Variants in NFATC1 observed in about 807,000 individuals in gnomAD.
NFATC1 encodes the protein nuclear factor of activated T-cells, cytoplasmic 1.
Under a neutral mutation model 76.0 loss-of-function variants are expected in NFATC1, and 22 were observed. The ratio of observed to expected loss-of-function variants is 0.29; its 90% CI spans 0.21 to 0.41. NFATC1 has a LOEUF of 0.41. Ranked by LOEUF, NFATC1 falls within the 10% of genes least tolerant of loss-of-function variation. The pLI is 1.00. For missense variants in NFATC1, 1,357 were observed against 1,337.7 expected (o/e 1.01, Z -0.23); for synonymous variants, 704 against 613.1 (o/e 1.15, Z -2.19).
At chr18:79,458,333 G>C (rs1054190833) in intron 6 of NFATC1, among the ~76,000 whole-genome samples, 1 of 152,172 alleles carries the variant, frequency 6.6e-6, no homozygotes, top group Non-Finnish European at 1.5e-5. Context: ...GGATGCTTTG[G>C]GGAGCAGGGC....
At position 79,410,385 on chromosome 18, in the gene NFATC1, G is replaced by A. The variant is rs2085623457; in HGVS notation, c.128-18G>A. On this transcript the variant is annotated intron_variant, in intron 1 of 9. Coordinates refer to ENST00000427363, the MANE Select transcript of NFATC1 (RefSeq NM_001278669.2). The surrounding 1 kb of genome is among the most constrained non-coding windows in gnomAD (Gnocchi z 6.7). ...TGCCCAGCCCCTCATGCTCCCATCTGCTTCTTTTTCTCTCTAGAACACTAT... is the reference window on the plus strand; with the variant it reads ...TGCCCAGCCCCTCATGCTCCCATCTACTTCTTTTTCTCTCTAGAACACTAT... 2 of 1,587,268 alleles carry A rather than the reference G, an allele frequency of 1.3e-6. No individual in the cohort carries two copies. Among genetic ancestry groups the A allele is most frequent in the East Asian group, 2.2e-5 (1 of 44,610 alleles).
At chr18:79,400,469 G>T in intron 1 of NFATC1, 1 of 1,485,944 alleles carries the variant, frequency 6.7e-7, no homozygotes, top group Non-Finnish European at 8.9e-7. Flanking sequence ...GCGCCGCCGC[G>T]GCCGCCCCAG....
At chr18:79,527,466 G>A in intron 9 of NFATC1, 62 bp from the exon 10 acceptor site, 1 of 1,359,992 alleles carries the variant, frequency 7.4e-7, no homozygotes, top group Non-Finnish European at 1.0e-6. Context: ...GCAGGGCTGG[G>A]GGCGTTGCTT....
intron 8 of NFATC1, among the ~76,000 whole-genome samples, chr18:79,483,426 G>GGCATGACCTGGTCCTGAGGTGTCACTCCA (rs2089377873): frequency 1.1e-4 from 13 of 117,368 alleles, no homozygotes; most frequent in Non-Finnish European, 2.0e-4. Context: ...GTGTCATTCC[G>GGCATGACCTGGTCCTGAGGTGTCACTCCA]GCGTGACCTG....
In NFATC1 at chr18:79,447,545, C is replaced by T. The variant is rs114615991; in HGVS notation, c.1387-1237C>T. Among the ~76,000 whole-genome samples, 581 of 152,322 alleles carry T rather than the reference C, an allele frequency of 3.8e-3. 1 individual carries two copies. Among genetic ancestry groups the T allele is most frequent in the African/African-American group, 0.013 (547 of 41,578 alleles). Reference sequence around the variant, plus strand: ...TGGTTCCCGGGGCTGGGCGTTGCCACGGGCCTTGCATGGATTTTGCTGATG... The same window carrying T: ...TGGTTCCCGGGGCTGGGCGTTGCCATGGGCCTTGCATGGATTTTGCTGATG... On this transcript the variant is annotated intron_variant, in intron 3 of 9. Transcript: ENST00000427363.
In NFATC1 at chr18:79,473,502, C is replaced by T. The variant is rs145462370; in HGVS notation, c.2092+5920C>T. The stretch of plus-strand genomic sequence containing the variant: ...GGAAGCGTGTTCTCACGCTCACTAT[C>T]GACGTAAACCTGAGGGAAGCGTGTT... On this transcript the variant is annotated intron_variant, in intron 8 of 9. Coordinates refer to ENST00000427363, the MANE Select transcript of NFATC1 (RefSeq NM_001278669.2). 6.6e-3 allele frequency among the ~76,000 whole-genome samples: 996 copies of T among 150,324 alleles called. 14 individuals carry two copies. The highest frequency in any genetic ancestry group is 0.023 in the African/African-American group (937 of 40,702).
chr18:79,475,375 C>A (rs1600855578), intron 8 of NFATC1, among the ~76,000 whole-genome samples: 1 of 135,780 alleles, frequency 7.4e-6, no homozygotes, highest in Non-Finnish European at 1.5e-5. Context: ...CGCTCACTGT[C>A]GACGTTGCGA....
intron 6 of NFATC1, among the ~76,000 whole-genome samples, chr18:79,460,130 T>TA (rs2087985134): frequency 6.6e-6 from 1 of 152,170 alleles, no homozygotes; most frequent in South Asian, 2.1e-4. Flanking sequence ...GGCCAGGGCT[T>TA]GGCTGGGCGG....
chr18:79,488,528 T>C (rs1486490006), intron 9 of NFATC1, among the ~76,000 whole-genome samples: 1 of 152,086 alleles, frequency 6.6e-6, no homozygotes, highest in Non-Finnish European at 1.5e-5. Flanking sequence ...AGGACAGTGT[T>C]CCGTGTCCTG....
At chr18:79,509,462 G>A (rs867601830) in intron 9 of NFATC1, among the ~76,000 whole-genome samples, 7 of 152,348 alleles carry the variant, frequency 4.6e-5, no homozygotes, top group African/African-American at 1.7e-4. Flanking sequence ...GGGCGTGGGA[G>A]GAGAGGAGAG....
chr18:79,492,387 A>G (rs1246733624), intron 9 of NFATC1, among the ~76,000 whole-genome samples: 1 of 152,014 alleles, frequency 6.6e-6, no homozygotes, highest in East Asian at 1.9e-4. Context: ...ACATGGTAGA[A>G]CCCCATCTCT....
intron 8 of NFATC1, chr18:79,470,460 A>T (rs945322371): frequency 6.6e-6 from 1 of 151,716 alleles, no homozygotes; most frequent in African/African-American, 2.4e-5. Flanking sequence ...ACCCACTTAC[A>T]CTCCAGCTGT....
rs372975431 is a variant in NFATC1, at chr18:79,411,217, C to T, written c.942C>T (p.Ala314=). The T allele has an allele frequency of 1.7e-5, 27 of 1,606,494 alleles. No homozygotes were observed. In the African/African-American group the frequency reaches 2.4e-4, roughly 14 times the overall value. Residue 314 remains alanine (A), a synonymous_variant, in exon 2 of 10, where the codon GCC becomes GCT. Transcript: ENST00000427363. ...AGTACACCAGCTCGGCCATCGTGGCCGCCATCAACGCGCTGACCACCGACA... is the reference window on the plus strand; with the variant it reads ...AGTACACCAGCTCGGCCATCGTGGCTGCCATCAACGCGCTGACCACCGACA... ...TTQYTSSAIV[A]AINALTTDSS...
chr18:79,472,936 C>T (rs889163370), intron 8 of NFATC1, among the ~76,000 whole-genome samples: 1 of 152,220 alleles, frequency 6.6e-6, no homozygotes. Flanking sequence ...ACCCCTCGTG[C>T]GCCCTCCAAG....
chr18:79,420,498 G>T (rs1187693165), intron 2 of NFATC1, among the ~76,000 whole-genome samples: 1 of 151,456 alleles, frequency 6.6e-6, no homozygotes, highest in Admixed American at 6.6e-5. Context: ...GCTGCAGAGA[G>T]GAAGAGGCAG....
rs540428178 is a variant in NFATC1, at chr18:79,527,309, G to C, written c.2783-219G>C. 22 of 539,094 alleles carry C rather than the reference G, an allele frequency of 4.1e-5. 1 individual carries two copies. In the South Asian group the frequency reaches 4.5e-4, roughly 11 times the overall value. 33.4% of individuals were successfully genotyped at this position (539,094 alleles called of 1,614,324 possible). A position where few individuals can be genotyped will look rare whatever the true frequency, so the allele number is the denominator to read the frequency against. On this transcript the variant is annotated intron_variant, in intron 9 of 9. Transcript: ENST00000427363. ...GACGTGCTGGTACCGTGCTACGGAC[G>C]AGGGCGGTCACTCTGGCGACCCCAG...
intron 9 of NFATC1, chr18:79,493,961 G>A (rs1357299440): frequency 6.6e-6 from 1 of 152,262 alleles, no homozygotes; most frequent in Non-Finnish European, 1.5e-5. Context: ...GGCCGCTGAA[G>A]AGGCAGCTCC....
At chr18:79,415,931 G>A (rs1252303010) in intron 2 of NFATC1, among the ~76,000 whole-genome samples, 8 of 152,004 alleles carry the variant, frequency 5.3e-5, no homozygotes, top group East Asian at 1.9e-4. Context: ...GCATGGTGGC[G>A]GGCGCCTGTA....
intron 9 of NFATC1, among the ~76,000 whole-genome samples, chr18:79,520,055 G>A (rs966130386): frequency 2.6e-5 from 4 of 152,202 alleles, no homozygotes; most frequent in Admixed American, 1.3e-4. Flanking sequence ...GAGAGGGGGC[G>A]TTTTGACCGT....
Sources: allele counts gnomAD v4.1 joint callset (sites outside exome capture counted in the v4.1 genomes callset), GRCh38; gene constraint gnomAD v4.1.1; non-coding constraint Gnocchi (gnomAD v3.1); transcripts MANE v1.5; gene names NCBI Gene and HGNC (gene_info 2026-07-23, HGNC 2026-07-21).